Variants in KCNQ5 observed in about 807,000 individuals in gnomAD.
KCNQ5 encodes the protein potassium voltage-gated channel subfamily Q member 5, also known as potassium voltage-gated channel subfamily KQT member 5.
Under a neutral mutation model 98.2 loss-of-function variants are expected in KCNQ5, and 30 were observed. The ratio of observed to expected loss-of-function variants is 0.31; its 90% CI spans 0.23 to 0.41. The LOEUF is 0.41. KCNQ5 is among the 10% of genes least tolerant of loss of function. The pLI, the probability that KCNQ5 is intolerant of heterozygous loss-of-function variation, is 1.00. For missense variants in KCNQ5, 835 were observed against 1,182.5 expected, an observed-to-expected ratio of 0.71 and a Z score of 4.31; for synonymous variants, 458 against 449.4, an observed-to-expected ratio of 1.02 and a Z score of -0.24.
intron 3 of KCNQ5, among the ~76,000 whole-genome samples, chr6:73,076,385 A>G (rs1399736302): frequency 6.6e-6 from 1 of 152,170 alleles, no homozygotes; most frequent in Admixed American, 6.5e-5. Context: ...AAGTCAAGCT[A>G]ACTTTTATTA....
At chr6:72,656,337 G>A (rs1204781991) in intron 1 of KCNQ5, among the ~76,000 whole-genome samples, 2 of 152,112 alleles carry the variant, frequency 1.3e-5, no homozygotes, top group African/African-American at 4.8e-5. Context: ...TAACTTGAAC[G>A]TTGCATGTTT....
intron 3 of KCNQ5, among the ~76,000 whole-genome samples, chr6:73,064,369 T>A (rs1323155016): frequency 6.6e-6 from 1 of 152,218 alleles, no homozygotes; most frequent in Non-Finnish European, 1.5e-5. Context: ...TTTTGCTCTG[T>A]AAATTTAAAC....
chr6:72,881,849 G>A (rs1480476579), intron 1 of KCNQ5, among the ~76,000 whole-genome samples: 1 of 152,022 alleles, frequency 6.6e-6, no homozygotes, highest in Admixed American at 6.6e-5. Flanking sequence ...ATGCCACCAC[G>A]CTTAACTAAT....
intron 1 of KCNQ5, among the ~76,000 whole-genome samples, chr6:72,636,722 G>C (rs573335975): frequency 6.6e-6 from 1 of 152,106 alleles, no homozygotes; most frequent in African/African-American, 2.4e-5. Context: ...AGGAACTATA[G>C]GGCTTAACAT....
chr6:72,892,713 T>A (rs1322114024), intron 1 of KCNQ5, among the ~76,000 whole-genome samples: 1 of 142,578 alleles, frequency 7.0e-6, no homozygotes, highest in Admixed American at 7.0e-5. Context: ...GAACCTACCT[T>A]AAAAAAAAAA....
chr6:72,786,718 A>G (rs559113166), intron 1 of KCNQ5, among the ~76,000 whole-genome samples: 43 of 152,274 alleles, frequency 2.8e-4, no homozygotes, highest in African/African-American at 9.6e-4. Flanking sequence ...TAGAAATGAG[A>G]ATCCTGGGCC....
chr6:72,635,694 T>C (rs1336837739), intron 1 of KCNQ5, among the ~76,000 whole-genome samples: 2 of 143,368 alleles, frequency 1.4e-5, no homozygotes, highest in African/African-American at 5.2e-5. Flanking sequence ...TTTTTTTTTT[T>C]CCTTTCTCTC....
chr6:72,706,406 G>A (rs991288509), intron 1 of KCNQ5, among the ~76,000 whole-genome samples: 5 of 151,856 alleles, frequency 3.3e-5, no homozygotes, highest in African/African-American at 1.2e-4. Context: ...TGGCCCTGTG[G>A]TGGGTACTAA....
chr6:72,979,031 T>C (rs2150294147), intron 1 of KCNQ5, among the ~76,000 whole-genome samples: 1 of 152,374 alleles, frequency 6.6e-6, no homozygotes, highest in Non-Finnish European at 1.5e-5. Flanking sequence ...GGCAGCATAG[T>C]ATTCCATGGT....
At chr6:72,773,480 A>C (rs1199338439) in intron 1 of KCNQ5, among the ~76,000 whole-genome samples, 1 of 152,136 alleles carries the variant, frequency 6.6e-6, no homozygotes, top group Non-Finnish European at 1.5e-5. Flanking sequence ...GAGGGATAGC[A>C]TTAGGAGAAA....
chr6:73,057,734 T>C (rs1245838189), intron 3 of KCNQ5, among the ~76,000 whole-genome samples: 1 of 151,862 alleles, frequency 6.6e-6, no homozygotes, highest in Non-Finnish European at 1.5e-5. Context: ...CTTCACAGAA[T>C]TAGAAAAAAA....
intron 2 of KCNQ5, among the ~76,000 whole-genome samples, chr6:73,034,260 T>A (rs1771289547): frequency 6.6e-6 from 1 of 152,230 alleles, no homozygotes; most frequent in Non-Finnish European, 1.5e-5. Context: ...GTTGACCTGC[T>A]AGCCCTATGT....
At position 73,077,516 on chromosome 6, in the gene KCNQ5, A is replaced by G; in HGVS notation, c.792+19A>G. On this transcript the variant is annotated intron_variant, in intron 4 of 13. Transcript: ENST00000370398. Reference sequence around the variant, plus strand: ...CAGCAAGGTAAGATTTGCTCTCTGAATTTAAAAACACAATTTTTGAAACTT... The same window carrying G: ...CAGCAAGGTAAGATTTGCTCTCTGAGTTTAAAAACACAATTTTTGAAACTT... 1 of 1,590,988 alleles carries G rather than the reference A, an allele frequency of 6.3e-7. No homozygotes were observed. The highest frequency in any genetic ancestry group is 8.5e-7 in the Non-Finnish European group (1 of 1,170,604).
At chr6:72,986,789 G>T in intron 1 of KCNQ5, 1 of 1,447,340 alleles carries the variant, frequency 6.9e-7, no homozygotes, top group Admixed American at 1.7e-5. Flanking sequence ...AACCAGAGTT[G>T]GCAAGAAGCT....
chr6:72,841,457 G>A (rs1387900309), intron 1 of KCNQ5, among the ~76,000 whole-genome samples: 1 of 151,940 alleles, frequency 6.6e-6, no homozygotes, highest in Non-Finnish European at 1.5e-5. Context: ...AAAATGCTTA[G>A]GATATTGATG....
chr6:72,781,118 G>A (rs973998452), intron 1 of KCNQ5, among the ~76,000 whole-genome samples: 2 of 152,136 alleles, frequency 1.3e-5, no homozygotes, highest in Non-Finnish European at 2.9e-5. Flanking sequence ...GTTAAAGTGA[G>A]GTTGCTAAGA....
intron 1 of KCNQ5, among the ~76,000 whole-genome samples, chr6:72,744,286 C>T (rs995497251): frequency 6.6e-6 from 1 of 152,206 alleles, no homozygotes; most frequent in African/African-American, 2.4e-5. Flanking sequence ...TCTATTTATC[C>T]TGTGGTGAAT....
chr6:73,083,016 G>C (rs1267170649), intron 5 of KCNQ5, among the ~76,000 whole-genome samples: 2 of 150,990 alleles, frequency 1.3e-5, no homozygotes, highest in East Asian at 3.9e-4. Context: ...TCAGCCTCCT[G>C]AGTAGCTGGG....
chr6:72,935,830 C>T (rs1409038947), intron 1 of KCNQ5, among the ~76,000 whole-genome samples: 2 of 152,178 alleles, frequency 1.3e-5, no homozygotes, highest in African/African-American at 4.8e-5. Flanking sequence ...TCAATGACAT[C>T]TCATCTGCCC....
Sources: allele counts gnomAD v4.1 joint callset (sites outside exome capture counted in the v4.1 genomes callset), GRCh38; gene constraint gnomAD v4.1.1; transcripts MANE v1.5; gene names NCBI Gene and HGNC (gene_info 2026-07-23, HGNC 2026-07-21).